LINGO2: variants seen among roughly 807,000 people sequenced by gnomAD.
LINGO2 encodes leucine rich repeat and Ig domain containing 2, also known as leucine-rich repeat and immunoglobulin-like domain-containing nogo receptor-interacting protein 2.
A neutral mutation model predicts 30.6 loss-of-function variants in LINGO2; 14 were observed. That is an observed-to-expected ratio of 0.46 (90% CI 0.30 to 0.72). The LOEUF (loss-of-function observed/expected upper bound fraction) is 0.72, where lower values mean the gene tolerates loss of function less well. Among genes scored for constraint, LINGO2 ranks in the 30% least tolerant of loss-of-function variants. LINGO2 has a pLI of 0.07. For missense variants in LINGO2, 729 were observed against 751.7 expected (o/e 0.97, Z 0.35); for synonymous variants, 317 against 288.5 (o/e 1.10, Z -1.00).
chr9:28,943,971 G>A, the LINGO2 span, among the ~76,000 whole-genome samples: 1 of 152,192 alleles, frequency 6.6e-6, no homozygotes, highest in South Asian at 2.1e-4. Flanking sequence ...AGTTCATTAG[G>A]ACATATATTC....
chr9:28,078,698 T>C (rs1825693104), intron 4 of LINGO2, among the ~76,000 whole-genome samples: 2 of 147,718 alleles, frequency 1.4e-5, no homozygotes, highest in African/African-American at 5.4e-5. Context: ...AATACAAAAT[T>C]AGCTGGGTGT....
chr9:28,436,736 C>T (rs1326992730), intron 2 of LINGO2, among the ~76,000 whole-genome samples: 2 of 152,150 alleles, frequency 1.3e-5, no homozygotes, highest in East Asian at 1.9e-4. Context: ...GGATTACAGG[C>T]ATAAGCCACC....
chr9:28,232,833 C>T (rs1821405976), intron 4 of LINGO2, among the ~76,000 whole-genome samples: 2 of 151,310 alleles, frequency 1.3e-5, no homozygotes, highest in Admixed American at 6.6e-5. Flanking sequence ...TCTTGCATTC[C>T]CCATATAAGT....
the LINGO2 span, among the ~76,000 whole-genome samples, chr9:28,849,765 C>T: frequency 6.6e-6 from 1 of 152,006 alleles, no homozygotes. Flanking sequence ...CTTCCTACCC[C>T]TCAGCTCTCA....
intron 5 of LINGO2, among the ~76,000 whole-genome samples, chr9:27,999,084 G>C (rs1206944900): frequency 1.3e-5 from 2 of 151,916 alleles, no homozygotes; most frequent in South Asian, 2.1e-4. Flanking sequence ...AAGATTTATA[G>C]ACCCTAAACT....
At chr9:28,143,706 A>T (rs1415331561) in intron 4 of LINGO2, among the ~76,000 whole-genome samples, 1 of 152,158 alleles carries the variant, frequency 6.6e-6, no homozygotes, top group Admixed American at 6.5e-5. Flanking sequence ...ATGTATAAAT[A>T]GAAGACCTGG....
the LINGO2 span, among the ~76,000 whole-genome samples, chr9:29,205,745 C>T: frequency 6.6e-6 from 1 of 152,148 alleles, no homozygotes; most frequent in African/African-American, 2.4e-5. Flanking sequence ...CCACATAATT[C>T]AAACACCATG....
intron 2 of LINGO2, among the ~76,000 whole-genome samples, chr9:28,460,847 T>TAAGTGAGGTAAG (rs1180044639): frequency 5.9e-5 from 9 of 151,514 alleles, no homozygotes; most frequent in African/African-American, 2.2e-4. Flanking sequence ...GAGTGGGAGG[T>TAAGTGAGGTAAG]GAAGAAAAGG....
At chr9:28,261,860 A>G (rs867107565) in intron 4 of LINGO2, among the ~76,000 whole-genome samples, 3 of 151,986 alleles carry the variant, frequency 2.0e-5, no homozygotes, top group African/African-American at 7.2e-5. Context: ...TGAATGGACA[A>G]ACTTTGGACT....
At chr9:28,900,246 C>T in the LINGO2 span, among the ~76,000 whole-genome samples, 1 of 152,168 alleles carries the variant, frequency 6.6e-6, no homozygotes, top group Non-Finnish European at 1.5e-5. Context: ...GCTCCAGTGG[C>T]CCCAGGGTCC....
intron 4 of LINGO2, among the ~76,000 whole-genome samples, chr9:28,254,767 A>G (rs187604355): frequency 7.9e-5 from 12 of 152,130 alleles, no homozygotes; most frequent in South Asian, 6.2e-4. Context: ...CAAATTTTTT[A>G]AAATTTAACT....
At chr9:28,417,141 G>A (rs1823000853) in intron 2 of LINGO2, among the ~76,000 whole-genome samples, 1 of 152,076 alleles carries the variant, frequency 6.6e-6, no homozygotes, top group Admixed American at 6.6e-5. Flanking sequence ...ATTTATAAAA[G>A]AAGTCACTGG....
At chr9:29,181,651 T>G in the LINGO2 span, among the ~76,000 whole-genome samples, 1 of 152,244 alleles carries the variant, frequency 6.6e-6, no homozygotes, top group South Asian at 2.1e-4. Context: ...TGAAATAAAC[T>G]GATGTACTAG....
At chr9:29,068,167 C>T in the LINGO2 span, among the ~76,000 whole-genome samples, 1 of 151,662 alleles carries the variant, frequency 6.6e-6, no homozygotes, top group Non-Finnish European at 1.5e-5. Flanking sequence ...GGTCTCCAGT[C>T]TGCAATCAGA....
the LINGO2 span, among the ~76,000 whole-genome samples, chr9:29,052,384 A>G: frequency 6.6e-6 from 1 of 152,168 alleles, no homozygotes; most frequent in Middle Eastern, 3.2e-3. Context: ...CATTTTACAT[A>G]TATAATAAAG....
At chr9:29,074,795 G>C in the LINGO2 span, among the ~76,000 whole-genome samples, 1 of 147,294 alleles carries the variant, frequency 6.8e-6, no homozygotes, top group Admixed American at 6.9e-5. Flanking sequence ...AGCCTCCCGA[G>C]TAGCTGGGAC....
At chr9:28,978,177 G>A in the LINGO2 span, among the ~76,000 whole-genome samples, 1 of 152,088 alleles carries the variant, frequency 6.6e-6, no homozygotes, top group Admixed American at 6.6e-5. Flanking sequence ...AAAACTCCCT[G>A]AAACCCAAAG....
intron 5 of LINGO2, among the ~76,000 whole-genome samples, chr9:27,978,397 C>T (rs977949296): frequency 1.3e-5 from 2 of 152,012 alleles, no homozygotes; most frequent in South Asian, 2.1e-4. Context: ...TCCTAACCCC[C>T]AAGGTGATGG....
At chr9:28,796,523 C>T in the LINGO2 span, among the ~76,000 whole-genome samples, 5 of 151,910 alleles carry the variant, frequency 3.3e-5, no homozygotes, top group African/African-American at 4.8e-5. Context: ...CGAAAATTAG[C>T]TAAATGGTGC....
Sources: gnomAD v4.1 joint callset for allele counts (sites outside exome capture counted in the v4.1 genomes callset) on GRCh38, gnomAD v4.1.1 for gene constraint, MANE v1.5 for transcripts, NCBI Gene and HGNC (gene_info 2026-07-23, HGNC 2026-07-21) for gene names.